RBFOX1: variants seen among roughly 807,000 people sequenced by gnomAD.
RBFOX1 encodes the protein RNA binding protein fox-1 homolog 1.
RBFOX1 carries 8 observed loss-of-function variants against 57.7 expected under a neutral mutation model. The observed-to-expected ratio is 0.14, with a 90% CI of 0.08 to 0.25. RBFOX1 has a LOEUF of 0.25. Among genes scored for constraint, RBFOX1 ranks in the 10% least tolerant of loss-of-function variants. The pLI is 1.00. For missense variants in RBFOX1, 611 were observed against 548.5 expected (o/e 1.11, Z -1.14); for synonymous variants, 326 against 222.4 (o/e 1.47, Z -4.15).
chr16:5,653,734 G>A (rs1338747830), intron 3 of RBFOX1, among the ~76,000 whole-genome samples: 1 of 152,126 alleles, frequency 6.6e-6, no homozygotes, highest in African/African-American at 2.4e-5. Context: ...GCTTAGAGCC[G>A]CTCATTTCCA....
At chr16:5,726,992 C>G (rs1696069856) in intron 3 of RBFOX1, among the ~76,000 whole-genome samples, 1 of 152,190 alleles carries the variant, frequency 6.6e-6, no homozygotes, top group Non-Finnish European at 1.5e-5. Context: ...GGCATGGTGG[C>G]TCATGCCTGT....
At chr16:6,166,981 G>A (rs1024497433) in intron 1 of RBFOX1, among the ~76,000 whole-genome samples, 1 of 151,950 alleles carries the variant, frequency 6.6e-6, no homozygotes, top group African/African-American at 2.4e-5. Context: ...CACTATATTG[G>A]CTAGGCTGGT....
chr16:6,779,699 T>TTA (rs1398859460), intron 3 of RBFOX1, among the ~76,000 whole-genome samples: 1 of 125,172 alleles, frequency 8.0e-6, no homozygotes, highest in African/African-American at 3.0e-5. Flanking sequence ...CTTTATTTAT[T>TTA]TATATATATA....
chr16:7,118,776 G>T (rs1434606841), intron 4 of RBFOX1, among the ~76,000 whole-genome samples: 1 of 152,096 alleles, frequency 6.6e-6, no homozygotes, highest in Non-Finnish European at 1.5e-5. Flanking sequence ...TGGTAAAATT[G>T]TACACATAAG....
chr16:6,143,402 T>C (rs1312580186), intron 1 of RBFOX1, among the ~76,000 whole-genome samples: 1 of 152,236 alleles, frequency 6.6e-6, no homozygotes, highest in East Asian at 1.9e-4. Context: ...TCAAGTATTA[T>C]TTCATCAAAT....
At chr16:5,278,634 G>A (rs1364540594) in intron 1 of RBFOX1, among the ~76,000 whole-genome samples, 2 of 152,128 alleles carry the variant, frequency 1.3e-5, no homozygotes, top group Non-Finnish European at 2.9e-5. Flanking sequence ...GTCTGATTTT[G>A]TTGCTTGTAC....
intron 1 of RBFOX1, among the ~76,000 whole-genome samples, chr16:5,434,353 A>G (rs772303124): frequency 4.9e-4 from 47 of 96,186 alleles, no homozygotes; most frequent in Admixed American, 8.7e-4. Flanking sequence ...GCAGGGTCTT[A>G]CTATGTTACC....
intron 2 of RBFOX1, among the ~76,000 whole-genome samples, chr16:6,587,717 A>G (rs2097649862): frequency 6.6e-6 from 1 of 152,038 alleles, no homozygotes; most frequent in Non-Finnish European, 1.5e-5. Context: ...CAAAGAAAGA[A>G]CTCTCCTCAA....
intron 14 of RBFOX1, among the ~76,000 whole-genome samples, chr16:7,687,198 A>G (rs1437494848): frequency 1.3e-5 from 2 of 152,060 alleles, no homozygotes; most frequent in African/African-American, 2.4e-5. Flanking sequence ...ACGTGACAAC[A>G]CTAAACTGAA....
rs548591280 is a variant in RBFOX1, at chr16:6,381,622, T to A, written c.-64+64565T>A. On this transcript the variant is annotated intron_variant, in intron 2 of 15. Transcript: ENST00000550418. ...ACCTATTGGATGTCAACTATCTTCT[T>A]GGGTCATTGAACAGGAGCTCTTCCT... 5.3e-5 allele frequency among the ~76,000 whole-genome samples: 8 copies of A among 152,336 alleles called. No homozygotes were observed. In the East Asian group the frequency reaches 1.5e-3, roughly 29 times the overall value.
chr16:6,720,605 G>T (rs2065793238), intron 3 of RBFOX1, among the ~76,000 whole-genome samples: 1 of 152,154 alleles, frequency 6.6e-6, no homozygotes, highest in Admixed American at 6.5e-5. Flanking sequence ...AGTGAGAGGG[G>T]TGCTGCTGGA....
intron 12 of RBFOX1, among the ~76,000 whole-genome samples, chr16:7,664,076 T>G (rs2068525839): frequency 6.6e-6 from 1 of 152,206 alleles, no homozygotes; most frequent in Non-Finnish European, 1.5e-5. Flanking sequence ...TTGTTTAGTC[T>G]AGATATAATT....
rs59873374 is a variant in RBFOX1, at chr16:5,544,951, C to CTTTTTTTTTTTTTTTTTTTTTTTTTT, written c.259-53933_259-53908dup. Among the ~76,000 whole-genome samples, 6 of 124,412 alleles carry CTTTTTTTTTTTTTTTTTTTTTTTTTT rather than the reference C, an allele frequency of 4.8e-5. 1 individual carries two copies. Among genetic ancestry groups the CTTTTTTTTTTTTTTTTTTTTTTTTTT allele is most frequent in the African/African-American group, 6.9e-5 (2 of 29,032 alleles). The allele number at this position is 124,412 out of a possible 152,430, so 81.6% of individuals were successfully genotyped here. A position where few individuals can be genotyped will look rare whatever the true frequency, so the allele number is the denominator to read the frequency against. ...GTATAGATGGCCTTACTATTACATT[C>CTTTTTTTTTTTTTTTTTTTTTTTTTT]TTTTTTTTTTTTTTTTTTTTTTTTT... On this transcript the variant is annotated intron_variant, in intron 2 of 2. Coordinates refer to the RBFOX1 transcript ENST00000585867.
chr16:6,920,377 C>T (rs900218483), intron 3 of RBFOX1, among the ~76,000 whole-genome samples: 1 of 152,108 alleles, frequency 6.6e-6, no homozygotes, highest in South Asian at 2.1e-4. Flanking sequence ...CTCTCTTCTG[C>T]ATGAAACCAG....
intron 10 of RBFOX1, among the ~76,000 whole-genome samples, chr16:7,609,867 G>T (rs573800505): frequency 2.0e-5 from 3 of 152,138 alleles, no homozygotes; most frequent in South Asian, 4.2e-4. Flanking sequence ...TCCCAGGCTG[G>T]AGTGCAGTGG....
rs1286067862 is a variant in RBFOX1, at chr16:6,568,145, C to G, written c.-63-86458C>G. 6.6e-5 allele frequency among the ~76,000 whole-genome samples: 10 copies of G among 152,138 alleles called. 1 individual carries two copies. Among genetic ancestry groups the G allele is most frequent in the Admixed American group, 6.5e-4 (10 of 15,268 alleles). ...CTAATACCATGTAACAAATTACTCC[C>G]AAAGTTAGCCTCTCAAAACAACAAA... is the stretch of plus-strand genomic sequence containing the variant. On this transcript the variant is annotated intron_variant, in intron 2 of 15. Coordinates refer to ENST00000550418, the MANE Select transcript of RBFOX1 (RefSeq NM_018723.4).
intron 3 of RBFOX1, among the ~76,000 whole-genome samples, chr16:6,716,231 T>A (rs1407798204): frequency 6.6e-6 from 1 of 152,224 alleles, no homozygotes. Flanking sequence ...AAATTGCTTC[T>A]CTTAGTATGT....
rs554538972 is a variant in RBFOX1, at chr16:7,206,559, C to G, written c.27+154461C>G. 1.8e-3 allele frequency among the ~76,000 whole-genome samples: 276 copies of G among 152,122 alleles called. 1 individual carries two copies. The highest frequency in any genetic ancestry group is 6.2e-3 in the African/African-American group (259 of 41,520). On this transcript the variant is annotated intron_variant, in intron 4 of 15. Transcript: ENST00000550418. Reference sequence around the variant, plus strand: ...AAATGAGTTGCTGCAATACCATTCCCTCTGCCAATCATATGGGTTAAGGCT... The same window carrying G: ...AAATGAGTTGCTGCAATACCATTCCGTCTGCCAATCATATGGGTTAAGGCT...
intron 3 of RBFOX1, among the ~76,000 whole-genome samples, chr16:6,875,957 C>G (rs1013461378): frequency 6.6e-6 from 1 of 152,060 alleles, no homozygotes; most frequent in Non-Finnish European, 1.5e-5. Context: ...GCAATTATGT[C>G]ACTGCACTTC....
Sources: allele counts gnomAD v4.1 joint callset (sites outside exome capture counted in the v4.1 genomes callset), GRCh38; gene constraint gnomAD v4.1.1; transcripts MANE v1.5; gene names NCBI Gene and HGNC (gene_info 2026-07-23, HGNC 2026-07-21).